PRKCQ: variants seen among roughly 807,000 people sequenced by gnomAD.
PRKCQ encodes the protein protein kinase C theta type.
In PRKCQ, 41 loss-of-function variants were observed where a neutral mutation model predicts 91.2. The observed-to-expected ratio is 0.45, with a 90% CI of 0.35 to 0.58. PRKCQ has a LOEUF of 0.58. Ranked by LOEUF, PRKCQ falls within the 20% of genes least tolerant of loss-of-function variation. The pLI, the probability that PRKCQ is intolerant of heterozygous loss-of-function variation, is 0.00. For synonymous variants in PRKCQ, 307 were observed against 316.9 expected (o/e 0.97, Z 0.33); for missense variants, 673 against 896.5 (o/e 0.75, Z 3.18).
intron 16 of PRKCQ, among the ~76,000 whole-genome samples, chr10:6,435,156 C>T (rs764177306): frequency 3.7e-4 from 56 of 152,198 alleles, no homozygotes; most frequent in Non-Finnish European, 7.8e-4. Flanking sequence ...GCAGTGTCCC[C>T]ACTGGAATTC....
At chr10:6,473,561 C>T (rs886742075) in intron 12 of PRKCQ, among the ~76,000 whole-genome samples, 2 of 152,244 alleles carry the variant, frequency 1.3e-5, no homozygotes, top group Admixed American at 1.3e-4. Context: ...AGAAAAGAGG[C>T]TTATCTGTCA....
intron 17 of PRKCQ, among the ~76,000 whole-genome samples, chr10:6,429,214 G>T (rs918777459): frequency 6.6e-6 from 1 of 152,338 alleles, no homozygotes; most frequent in South Asian, 2.1e-4. Flanking sequence ...GTCCTTTAGG[G>T]TAAGCTTAGA....
chr10:6,526,847 G>T (rs1219991679), intron 1 of PRKCQ, among the ~76,000 whole-genome samples: 1 of 152,200 alleles, frequency 6.6e-6, no homozygotes, highest in Non-Finnish European at 1.5e-5. Flanking sequence ...TGGTCCCTGT[G>T]TTGAGAGGAC....
the PRKCQ span, among the ~76,000 whole-genome samples, chr10:6,418,628 T>C: frequency 6.6e-6 from 1 of 152,098 alleles, no homozygotes; most frequent in Admixed American, 6.5e-5. Context: ...TACAGGACCA[T>C]AGAGTCAGAG....
chr10:6,499,411 G>A (rs1412009891), intron 4 of PRKCQ, among the ~76,000 whole-genome samples: 2 of 152,162 alleles, frequency 1.3e-5, no homozygotes, highest in African/African-American at 2.4e-5. Context: ...GAATGCTCAG[G>A]ATGCCCTTGC....
intron 12 of PRKCQ, among the ~76,000 whole-genome samples, chr10:6,476,389 A>G (rs595848): frequency 1 from 151,230 of 151,728 alleles, 75,368 homozygotes; most frequent in Middle Eastern, 1. Context: ...CCAGTCTAAA[A>G]TGTGTTTATA....
chr10:6,493,762 T>C (rs919469527), intron 7 of PRKCQ, among the ~76,000 whole-genome samples: 1 of 152,244 alleles, frequency 6.6e-6, no homozygotes, highest in Non-Finnish European at 1.5e-5. Flanking sequence ...TTAATTTTAG[T>C]ACCAGCTCTG....
chr10:6,570,329 A>T (rs1230039931), intron 1 of PRKCQ, among the ~76,000 whole-genome samples: 2 of 152,186 alleles, frequency 1.3e-5, no homozygotes, highest in African/African-American at 4.8e-5. Flanking sequence ...GAGAAGCAAG[A>T]CAAGGAAGTA....
the PRKCQ span, among the ~76,000 whole-genome samples, chr10:6,412,066 A>AT: frequency 1.3e-5 from 2 of 152,164 alleles, no homozygotes; most frequent in African/African-American, 4.8e-5. Context: ...GGAGAAACTT[A>AT]TTTTTTTAAG....
chr10:6,547,269 G>T (rs1282717847), intron 1 of PRKCQ, among the ~76,000 whole-genome samples: 1 of 152,076 alleles, frequency 6.6e-6, no homozygotes, highest in Non-Finnish European at 1.5e-5. Context: ...CATGCTCATG[G>T]GTAGGAAGAA....
At chr10:6,487,956 G>T (rs1837022614) in intron 8 of PRKCQ, among the ~76,000 whole-genome samples, 1 of 146,080 alleles carries the variant, frequency 6.8e-6, no homozygotes, top group Non-Finnish European at 1.5e-5. Flanking sequence ...AGTGAGCTGA[G>T]ATCGTGCCAC....
the PRKCQ span, among the ~76,000 whole-genome samples, chr10:6,408,542 A>G: frequency 0.018 from 2,813 of 152,182 alleles, 43 homozygotes; most frequent in Middle Eastern, 0.061. Context: ...TTTAGTAGAG[A>G]TGGGGTTTCA....
chr10:6,501,246 A>G (rs1564356670), intron 4 of PRKCQ, among the ~76,000 whole-genome samples: 1 of 152,112 alleles, frequency 6.6e-6, no homozygotes, highest in Non-Finnish European at 1.5e-5. Flanking sequence ...GGAATGTGTT[A>G]GGGAAAGAAA....
chr10:6,443,452 T>C (rs904167325), intron 15 of PRKCQ, among the ~76,000 whole-genome samples: 4 of 152,322 alleles, frequency 2.6e-5, no homozygotes, highest in African/African-American at 9.6e-5. Flanking sequence ...AACTGTGCTA[T>C]ATATACACAG....
Position 6,576,284 on chromosome 10 carries a change from T to A in PRKCQ, c.-10+3927A>T, listed in dbSNP as rs1383019375. ...CTCTTCACGGCAGCATTATTCACAATAATCAAAAGATAGAAGCAACCATCA... is the reference window on the plus strand; with the variant it reads ...CTCTTCACGGCAGCATTATTCACAAAAATCAAAAGATAGAAGCAACCATCA... On this transcript the variant is annotated intron_variant, in intron 1 of 17. Coordinates refer to ENST00000263125, the MANE Select transcript of PRKCQ (RefSeq NM_006257.5). The surrounding 1 kb of genome is among the most constrained non-coding windows in gnomAD (Gnocchi z 4.2). 6.6e-6 allele frequency among the ~76,000 whole-genome samples: 1 copy of A among 152,146 alleles called. No homozygotes were observed.
In PRKCQ at chr10:6,441,975, T is replaced by C; in HGVS notation, c.1754A>G (p.Glu585Gly). 6.2e-7 allele frequency: 1 copy of C among 1,614,106 alleles called. No individual in the cohort carries two copies. The highest frequency in any genetic ancestry group is 8.5e-7 in the Non-Finnish European group (1 of 1,180,016). ...CATGCGGATGGAGTGGAAGAGCTCC[T>C]CCTCATCCTGCCCGTGGAAAGGCGA... ...GQSPFHGQDE[E>G]ELFHSIRMDN... The change falls in exon 16 of 18, where the codon GAG (glutamate) becomes GGG (glycine). Residue 585 changes from glutamate (E) to glycine (G), a missense_variant. Glu to Gly is a moderately conservative substitution (Grantham distance 98, BLOSUM62 -2). Coordinates refer to ENST00000263125, the MANE Select transcript of PRKCQ (RefSeq NM_006257.5).
chr10:6,479,605 T>G (rs1395127331), intron 11 of PRKCQ, among the ~76,000 whole-genome samples: 3 of 151,762 alleles, frequency 2.0e-5, no homozygotes, highest in African/African-American at 4.8e-5. Flanking sequence ...AAAAGAAGAA[T>G]GGAGGGATAT....
chr10:6,431,025 C>A, intron 16 of PRKCQ, 87 bp from the exon 17 acceptor site: 1 of 1,482,814 alleles, frequency 6.7e-7, no homozygotes, highest in Middle Eastern at 1.8e-4. Context: ...GTGCACCAGC[C>A]CCTTCTTTTC....
chr10:6,445,457 C>T (rs1420937755), intron 15 of PRKCQ, among the ~76,000 whole-genome samples: 1 of 152,188 alleles, frequency 6.6e-6, no homozygotes, highest in Non-Finnish European at 1.5e-5. Context: ...AGGACCCTTT[C>T]ACCCTTCTTG....
Sources: allele counts gnomAD v4.1 joint callset (sites outside exome capture counted in the v4.1 genomes callset), GRCh38; gene constraint gnomAD v4.1.1; non-coding constraint Gnocchi (gnomAD v3.1); transcripts MANE v1.5; gene names NCBI Gene and HGNC (gene_info 2026-07-23, HGNC 2026-07-21).